SRGAP1: variants seen among roughly 807,000 people sequenced by gnomAD.
SRGAP1 encodes the protein SLIT-ROBO Rho GTPase-activating protein 1.
Under a neutral mutation model 121.9 loss-of-function variants are expected in SRGAP1, and 43 were observed. The observed-to-expected ratio is 0.35, with a 90% CI of 0.28 to 0.46. The LOEUF is 0.46. Ranked by LOEUF, SRGAP1 falls within the 20% of genes least tolerant of loss-of-function variation. The pLI is 1.00. For missense variants in SRGAP1, 1,102 were observed against 1,350.9 expected, an observed-to-expected ratio of 0.82 and a Z score of 2.89; for synonymous variants, 447 against 485.4, an observed-to-expected ratio of 0.92 and a Z score of 1.04.
intron 1 of SRGAP1, among the ~76,000 whole-genome samples, chr12:63,873,486 T>C (rs560622109): frequency 1.3e-5 from 2 of 149,636 alleles, no homozygotes; most frequent in Admixed American, 6.7e-5. Flanking sequence ...TGAGCCGAGA[T>C]TGAGCCATTC....
intron 4 of SRGAP1, among the ~76,000 whole-genome samples, chr12:64,031,653 C>G (rs937756134): frequency 1.3e-5 from 2 of 152,050 alleles, no homozygotes; most frequent in Admixed American, 6.6e-5. Flanking sequence ...ACTATTTCCT[C>G]TGAGCTTCAT....
rs558385577 is a variant in SRGAP1 at position 63,951,324 on chromosome 12, C to T, written c.68-32623C>T. On this transcript the variant is annotated intron_variant, in intron 1 of 21. Transcript: ENST00000355086. ...GATTACAGGCGCCCACCACCATGCC[C>T]GGCTAATTTTTGTATTTTTAGTAGA... 1.1e-4 allele frequency among the ~76,000 whole-genome samples: 17 copies of T among 151,910 alleles called. 1 individual carries two copies. Among genetic ancestry groups the T allele is most frequent in the South Asian group, 4.2e-4 (2 of 4,808 alleles).
At chr12:64,099,576 A>G (rs540357592) in intron 15 of SRGAP1, among the ~76,000 whole-genome samples, 49 of 152,276 alleles carry the variant, frequency 3.2e-4, no homozygotes, top group African/African-American at 1.1e-3. Flanking sequence ...GGAATTTAGA[A>G]GTACAGCTGC....
chr12:63,933,988 A>C (rs1032784264), intron 1 of SRGAP1, among the ~76,000 whole-genome samples: 1 of 152,210 alleles, frequency 6.6e-6, no homozygotes, highest in Non-Finnish European at 1.5e-5. Context: ...GCACCCAAGG[A>C]AAAAAGCCAT....
At chr12:63,848,706 G>T (rs1477633452) in intron 1 of SRGAP1, among the ~76,000 whole-genome samples, 1 of 152,100 alleles carries the variant, frequency 6.6e-6, no homozygotes, top group East Asian at 1.9e-4. Context: ...CACCATGCCT[G>T]ACTAATTTTT....
Position 64,150,126 on chromosome 12 carries a change from A to G in SRGAP1, c.*7454A>G, listed in dbSNP as rs980286195. 2 of 142,120 alleles carry G rather than the reference A, an allele frequency of 1.4e-5. No homozygotes were observed. Among genetic ancestry groups the G allele is most frequent in the African/African-American group, 2.6e-5 (1 of 38,380 alleles). The allele number at this position is 142,120 out of a possible 1,614,324, so 8.8% of individuals were successfully genotyped here. On this transcript the variant is annotated 3_prime_UTR_variant, in exon 22 of 22. Transcript: ENST00000355086. The stretch of plus-strand genomic sequence containing the variant: ...ATGGGACTGGGCTGGATATCAACAC[A>G]TGTGCTTGTGTGCATGTGCACGTGT...
chr12:63,937,432 C>T (rs1278912938), intron 1 of SRGAP1, among the ~76,000 whole-genome samples: 1 of 152,170 alleles, frequency 6.6e-6, no homozygotes, highest in Non-Finnish European at 1.5e-5. Context: ...AAGAACATTT[C>T]TCTTTAGATG....
chr12:63,852,342 T>C (rs1266669617), intron 1 of SRGAP1, among the ~76,000 whole-genome samples: 2 of 152,226 alleles, frequency 1.3e-5, no homozygotes, highest in Admixed American at 1.3e-4. Flanking sequence ...TTAGATAGGT[T>C]TTTTGAAATT....
chr12:64,039,059 T>A (rs2136499416), intron 4 of SRGAP1: 1 of 152,386 alleles, frequency 6.6e-6, no homozygotes, highest in African/African-American at 2.4e-5. Flanking sequence ...TGTCAACAGC[T>A]TACATTTTAA....
intron 3 of SRGAP1, among the ~76,000 whole-genome samples, chr12:64,014,396 T>C (rs930692218): frequency 6.6e-6 from 1 of 152,164 alleles, no homozygotes; most frequent in African/African-American, 2.4e-5. Flanking sequence ...TTAGAAAATA[T>C]GGAACATACT....
chr12:63,960,432 C>G (rs2032603045), intron 1 of SRGAP1, among the ~76,000 whole-genome samples: 1 of 152,118 alleles, frequency 6.6e-6, no homozygotes, highest in South Asian at 2.1e-4. Context: ...ATGGGTTCCT[C>G]TACCCCCAGT....
intron 5 of SRGAP1, among the ~76,000 whole-genome samples, chr12:64,043,194 T>C (rs2035058486): frequency 6.6e-6 from 1 of 152,236 alleles, no homozygotes; most frequent in Admixed American, 6.5e-5. Context: ...TGTGGAGAAC[T>C]TGAATATTAA....
chr12:63,932,618 A>AATCT (rs57537510), intron 1 of SRGAP1, among the ~76,000 whole-genome samples: 3,418 of 152,300 alleles, frequency 0.022, 112 homozygotes, highest in African/African-American at 0.077. Flanking sequence ...TATCTTAAAG[A>AATCT]TTGGGATTGT....
chr12:64,137,035 G>A (rs200057960), intron 21 of SRGAP1, among the ~76,000 whole-genome samples: 15 of 152,058 alleles, frequency 9.9e-5, no homozygotes, highest in East Asian at 1.9e-4. Context: ...AGGCTGAGGC[G>A]CATGGATCAC....
intron 15 of SRGAP1, among the ~76,000 whole-genome samples, chr12:64,099,690 T>A (rs2036224240): frequency 6.6e-6 from 1 of 152,206 alleles, no homozygotes; most frequent in Admixed American, 6.5e-5. Context: ...AATTCTCCTT[T>A]GGCCATGTCC....
At chr12:64,027,269 G>C (rs1176236552) in intron 4 of SRGAP1, among the ~76,000 whole-genome samples, 1 of 152,090 alleles carries the variant, frequency 6.6e-6, no homozygotes, top group Non-Finnish European at 1.5e-5. Flanking sequence ...TCTCAGATGA[G>C]GCAGTCTATG....
At chr12:64,016,891 A>T in intron 3 of SRGAP1, 59 bp from the exon 4 acceptor site, 2 of 919,178 alleles carry the variant, frequency 2.2e-6, no homozygotes, top group South Asian at 1.7e-5. Context: ...ATTTTCAGTT[A>T]GTGGACTTTT....
chr12:64,162,089 T>C lies in SRGAP1; in HGVS notation c.*19417T>C, dbSNP rs527945461. ...AGGGTTTGGGGAGAGAAATGACTGC[T>C]AATGGGAGTATGGGATGTTCTTTTG... On this transcript the variant is annotated 3_prime_UTR_variant, in exon 22 of 22. Coordinates refer to ENST00000355086, the MANE Select transcript of SRGAP1 (RefSeq NM_020762.4). 1.2e-4 allele frequency: 18 copies of C among 152,334 alleles called. No individual in the cohort carries two copies. The highest frequency in any genetic ancestry group is 3.6e-4 in the African/African-American group (15 of 41,572). The allele number at this position is 152,334 out of a possible 1,614,324, so 9.4% of individuals were successfully genotyped here. A position where few individuals can be genotyped will look rare whatever the true frequency, so the allele number is the denominator to read the frequency against.
Position 63,880,964 on chromosome 12 carries a change from AAAACAC to A in SRGAP1, c.67+36084_67+36089del, listed in dbSNP as rs147873631. Among the ~76,000 whole-genome samples, 1,090 of 152,288 alleles carry A rather than the reference AAAACAC, an allele frequency of 7.2e-3. 6 individuals carry two copies. The highest frequency in any genetic ancestry group is 0.025 in the African/African-American group (1,027 of 41,554). On this transcript the variant is annotated intron_variant, in intron 1 of 21. Transcript: ENST00000355086. The stretch of plus-strand genomic sequence containing the variant: ...CTTCACTTTGCTAGGGTCCCTCTCA[AAAACAC>A]AACCGGATCAGGAGTAGGGGGAGGG...
Sources: gnomAD v4.1 joint callset for allele counts (sites outside exome capture counted in the v4.1 genomes callset) on GRCh38, gnomAD v4.1.1 for gene constraint, MANE v1.5 for transcripts, NCBI Gene and HGNC (gene_info 2026-07-23, HGNC 2026-07-21) for gene names.